FAM9A: variants seen among roughly 807,000 people sequenced by gnomAD.
FAM9A encodes protein FAM9A.
In FAM9A, 49 loss-of-function variants were observed where a neutral mutation model predicts 25.0. The ratio of observed to expected loss-of-function variants is 1.96; its 90% CI spans 1.56 to 2.48. The LOEUF is 2.48. Ranked by LOEUF, FAM9A falls within the 30% of genes most tolerant of loss-of-function variation. The pLI, the probability that FAM9A is intolerant of heterozygous loss-of-function variation, is 0.00. For missense variants in FAM9A, 266 were observed against 249.3 expected, an observed-to-expected ratio of 1.07 and a Z score of -0.45; for synonymous variants, 80 against 85.1, an observed-to-expected ratio of 0.94 and a Z score of 0.33.
In FAM9A at chrX:8,791,246, C is replaced by T; in HGVS notation, c.*31+34G>A. 3 of 967,362 alleles carry T rather than the reference C, an allele frequency of 3.1e-6. No individual in the cohort carries two copies. The South Asian group carries it at 7.5e-5, about 24-fold the overall frequency. 79.7% of individuals were successfully genotyped at this position (967,362 alleles called of 1,213,427 possible). ...AAAATATTCCAGTGCTTACATCAAT[C>T]CTGAGTTTTTAAACTTAAATATGCA... On this transcript the variant is annotated intron_variant, in intron 9 of 9. Transcript: ENST00000381003.
intron 5 of FAM9A, among the ~76,000 whole-genome samples, chrX:8,796,677 A>C (rs1933538176): frequency 8.9e-6 from 1 of 112,293 alleles, no homozygotes; most frequent in African/African-American, 3.2e-5. Context: ...CGTTACAAAC[A>C]CAGACTCTAA....
intron 5 of FAM9A, among the ~76,000 whole-genome samples, chrX:8,797,412 C>T (rs1473320327): frequency 8.9e-6 from 1 of 111,893 alleles, no homozygotes; most frequent in African/African-American, 3.2e-5. Context: ...ATGTTTCTCA[C>T]TGGGTAGAAA....
intron 7 of FAM9A, 53 bp downstream of exon 7, chrX:8,795,025 T>C: frequency 8.8e-7 from 1 of 1,142,758 alleles, no homozygotes. Context: ...GAACTATTAC[T>C]ACCTGAGACA....
At chrX:8,792,934 CACA>C (rs1417626259) in intron 8 of FAM9A, among the ~76,000 whole-genome samples, 6 of 112,428 alleles carry the variant, frequency 5.3e-5, no homozygotes, top group African/African-American at 1.6e-4. Flanking sequence ...ATTCACAATT[CACA>C]ACGTGTTAAT....
rs1485988294 is a variant in FAM9A, at chrX:8,799,095, C to T, written c.92-1G>A. On this transcript the variant is annotated splice_acceptor_variant, in intron 2 of 9. Coordinates refer to ENST00000381003, the MANE Select transcript of FAM9A (RefSeq NM_174951.3). LOFTEE classifies it high-confidence loss of function. ...GGGAAGTTAGAGGCGATCCCTGAAC[C>T]TGGTTGAGTGCAAAGTCAAACTAAG... 8.3e-7 allele frequency: 1 copy of T among 1,205,716 alleles called. No homozygotes were observed. Among genetic ancestry groups the T allele is most frequent in the East Asian group, 3.0e-5 (1 of 33,745 alleles).
chrX:8,796,555 T>G (rs1933536404), intron 5 of FAM9A, among the ~76,000 whole-genome samples, 173 bp from the exon 6 acceptor site: 1 of 112,202 alleles, frequency 8.9e-6, no homozygotes, highest in African/African-American at 3.2e-5. Flanking sequence ...CTGTAAAACC[T>G]TTTACGTATT....
chrX:8,799,374 T>C (rs1209083937), intron 2 of FAM9A, among the ~76,000 whole-genome samples: 8 of 110,053 alleles, frequency 7.3e-5, no homozygotes, highest in Non-Finnish European at 1.1e-4. Context: ...GCCCTGCCCC[T>C]GTGTGCCCCA....
Position 8,798,990 on chromosome X carries a change from C to T in FAM9A, c.196G>A (p.Ala66Thr). Residue 66 changes from alanine (A) to threonine (T), a missense_variant, in exon 3 of 10, where the codon GCC becomes ACC. Physicochemically the swap from Ala to Thr is moderately conservative, Grantham distance 58. Transcript: ENST00000381003. ...CCTGTGTGCTTCTTCGCCGGGGCGGCCCTAACTTGAGCTTCCAACTGAGCT... is the reference window on the plus strand; with the variant it reads ...CCTGTGTGCTTCTTCGCCGGGGCGGTCCTAACTTGAGCTTCCAACTGAGCT... ...AKAQLEAQVR[A>T]APAKKHTGKD... 1 of 1,212,693 alleles carries T rather than the reference C, an allele frequency of 8.2e-7. No homozygotes were observed. The highest frequency in any genetic ancestry group is 1.8e-5 in the South Asian group (1 of 57,077).
chrX:8,793,368 C>T (rs993788499), intron 8 of FAM9A, among the ~76,000 whole-genome samples: 8 of 111,963 alleles, frequency 7.1e-5, no homozygotes, highest in African/African-American at 2.6e-4. Context: ...GTGCAGCCTC[C>T]GGCATAAATG....
At chrX:8,799,748 C>T (rs1488466167) in intron 2 of FAM9A, among the ~76,000 whole-genome samples, 4 of 46,782 alleles carry the variant, frequency 8.6e-5, no homozygotes, top group African/African-American at 3.7e-4. Flanking sequence ...CCCTTGCTCC[C>T]CTCTCCACCA....
In FAM9A at chrX:8,798,255, T is replaced by C; in HGVS notation, c.342-74A>G. ...CCATGTTTGTTGGGAAGATATGTCT[T>C]ATGTGAAATGTTCCGCATAGAATAG... is the stretch of plus-strand genomic sequence containing the variant. On this transcript the variant is annotated intron_variant, in intron 4 of 9. Transcript: ENST00000381003. 3.3e-6 allele frequency: 4 copies of C among 1,201,642 alleles called. No individual in the cohort carries two copies. The South Asian group carries it at 7.3e-5, about 22-fold the overall frequency.
In FAM9A at chrX:8,799,052, T is replaced by C; in HGVS notation, c.134A>G (p.Glu45Gly). 8.2e-7 allele frequency: 1 copy of C among 1,212,163 alleles called. No homozygotes were observed. Among genetic ancestry groups the C allele is most frequent in the Non-Finnish European group, 1.1e-6 (1 of 895,480 alleles). ...CCTGCTGCGCTTCCTGCCCACGGGC[T>C]CCATGGTTGGCTGTCCTGGGAAGTT... ...ASNFPGQPTM[E>G]PVGRKRSRKA... is the part of the protein sequence containing the mutation. The change falls in exon 3 of 10, where the codon GAG becomes GGG. Residue 45 changes from glutamate (E) to glycine (G), a missense_variant. Physicochemically the swap from Glu to Gly is moderately conservative, Grantham distance 98. Transcript: ENST00000381003.
chrX:8,793,737 T>C lies in FAM9A; in HGVS notation c.851A>G (p.Gln284Arg), dbSNP rs1385716328. ...ACCTGTAGGTTGTTGCCACCTCTTC[T>C]GTTTTTCTTGAAATGCTTTCTAGAA... ...EEQIKAFQEK[Q>R]KRWQQPTGVR... The change falls in exon 8 of 10, where the codon CAG (glutamine) becomes CGG (arginine). Residue 284 changes from glutamine to arginine, a missense_variant. By Grantham distance (43) the Gln-to-Arg change is conservative (BLOSUM62 1). Transcript: ENST00000381003. The C allele has an allele frequency of 2.5e-6, 3 of 1,206,599 alleles. No homozygotes were observed. Among genetic ancestry groups the C allele is most frequent in the East Asian group, 5.9e-5 (2 of 33,749 alleles).
At chrX:8,791,482 G>T in intron 8 of FAM9A, 103 bp from the exon 9 acceptor site, 1 of 562,466 alleles carries the variant, frequency 1.8e-6, no homozygotes, top group Non-Finnish European at 2.7e-6. Context: ...AATATTCAAA[G>T]GATGCTGGTT....
rs151083543 is a variant in FAM9A at position 8,791,373 on chromosome X, T to C, written c.937A>G (p.Lys313Glu). Residue 313 changes from lysine (K) to glutamate (E), a missense_variant, in exon 9 of 10, where the codon AAG (lysine) becomes GAG (glutamate). Transcript: ENST00000381003. ...ATGCAATAATTGTCTTTAGTGTCCT[T>C]GGCAGCCTAAAAGAAAAAGTCTAGT... ...PLLEQLLKAA[K>E]DTKDNYCIIS... The C allele has an allele frequency of 1.1e-3, 1,347 of 1,200,057 alleles. 2 individuals carry two copies. The highest frequency in any genetic ancestry group is 1.4e-3 in the Non-Finnish European group (1,245 of 889,950).
chrX:8,791,244 A>G, intron 9 of FAM9A, 36 bp downstream of exon 9: 3 of 967,025 alleles, frequency 3.1e-6, no homozygotes, highest in Non-Finnish European at 4.3e-6. Context: ...GCTTACATCA[A>G]TCCTGAGTTT....
intron 4 of FAM9A, 88 bp from the exon 5 acceptor site, chrX:8,798,269 C>T (rs777550388): frequency 2.1e-4 from 254 of 1,197,757 alleles, no homozygotes; most frequent in Non-Finnish European, 2.8e-4. Flanking sequence ...TGAAATGTTC[C>T]GCATAGAATA....
At position 8,795,149 on chromosome X, in the gene FAM9A, C is replaced by T. The variant is rs781563563; in HGVS notation, c.760G>A (p.Gly254Arg). 1 of 1,077,238 alleles carries T rather than the reference C, an allele frequency of 9.3e-7. No individual in the cohort carries two copies. 88.8% of individuals were successfully genotyped at this position (1,077,238 alleles called of 1,213,427 possible). Residue 254 changes from glycine (G) to arginine (R), a missense_variant, in exon 7 of 10, where the codon GGA becomes AGA. Gly to Arg is a moderately radical substitution (Grantham distance 125). Transcript: ENST00000381003. ...TCTGTTTCTTCTCCTTCTCCTCCTCCTCCTCCTTCTTCTCCTTCTTCTCCT... is the reference window on the plus strand; with the variant it reads ...TCTGTTTCTTCTCCTTCTCCTCCTCTTCCTCCTTCTTCTCCTTCTTCTCCT... Reference protein sequence around the residue: ...GGGEEGEEGGGGGEGEETEEE... With the variant: ...GGGEEGEEGGRGGEGEETEEE...
chrX:8,794,074 A>G (rs968559122), intron 7 of FAM9A, among the ~76,000 whole-genome samples: 6 of 112,252 alleles, frequency 5.3e-5, no homozygotes, highest in Non-Finnish European at 1.1e-4. Context: ...TGGGTAAGAT[A>G]TATACAGAAA....
Sources: gnomAD v4.1 joint callset for allele counts (sites outside exome capture counted in the v4.1 genomes callset) on GRCh38, gnomAD v4.1.1 for gene constraint, MANE v1.5 for transcripts, NCBI Gene and HGNC (gene_info 2026-07-23, HGNC 2026-07-21) for gene names.